BROX: variants seen among roughly 807,000 people sequenced by gnomAD.
BROX encodes BRO1 domain-containing protein BROX.
A neutral mutation model predicts 61.0 loss-of-function variants in BROX; 53 were observed. That is an observed-to-expected ratio of 0.87 (90% CI 0.70 to 1.09). The LOEUF is 1.09. Ranked by LOEUF, BROX falls within the 50% of genes least tolerant of loss-of-function variation. The probability of loss-of-function intolerance (pLI) is 0.00; values close to 1 mark genes in which losing one functional copy is unlikely to be tolerated. For missense variants in BROX, 489 were observed against 472.0 expected, an observed-to-expected ratio of 1.04 and a Z score of -0.33; for synonymous variants, 152 against 160.2, an observed-to-expected ratio of 0.95 and a Z score of 0.38.
At chr1:222,717,198 T>C (rs1054727852) in intron 2 of BROX, among the ~76,000 whole-genome samples, 1 of 152,250 alleles carries the variant, frequency 6.6e-6, no homozygotes, top group Non-Finnish European at 1.5e-5. Context: ...TTTAAAAATA[T>C]GAAAACCATT....
At chr1:222,724,607 C>T (rs1473471884) in intron 6 of BROX, among the ~76,000 whole-genome samples, 1 of 152,080 alleles carries the variant, frequency 6.6e-6, no homozygotes. Flanking sequence ...ATTAAATTGC[C>T]AGGAGATGTG....
chr1:222,722,174 C>T (rs922085366), intron 4 of BROX, among the ~76,000 whole-genome samples: 4 of 152,114 alleles, frequency 2.6e-5, no homozygotes, highest in African/African-American at 4.8e-5. Context: ...GTGCAGTAAA[C>T]TTTGGGAGCT....
chr1:222,714,085 C>T (rs1342727065), intron 1 of BROX: 2 of 152,120 alleles, frequency 1.3e-5, no homozygotes, highest in Non-Finnish European at 2.9e-5. Context: ...ATTAAATGAA[C>T]CTTATCAGAA....
At chr1:222,729,954 G>C in intron 10 of BROX, 73 bp from the exon 11 acceptor site, 1 of 1,435,996 alleles carries the variant, frequency 7.0e-7, no homozygotes, top group Non-Finnish European at 9.5e-7. Flanking sequence ...ATCACCTCCA[G>C]TTTAAAGCCT....
Position 222,719,275 on chromosome 1 carries a change from CT to C in BROX, c.224del (p.Leu75TrpfsTer37). 6.3e-7 allele frequency: 1 copy of C among 1,588,664 alleles called. No homozygotes were observed. Among genetic ancestry groups the C allele is most frequent in the South Asian group, 1.1e-5 (1 of 90,422 alleles). ...TACTTTTCTATAGGTTTCATAAATT[CT>C]TTGGATGAATCTACCCAAGAAAGCA... ...YFSLLQGFINSLDESTQESKL... is the reference protein window; with the variant it reads ...YFSLLQGFINXLDESTQESKL... On this transcript the variant is annotated frameshift_variant, in exon 4 of 13. Coordinates refer to ENST00000340934, the MANE Select transcript of BROX (RefSeq NM_144695.4). LOFTEE classifies it high-confidence loss of function.
intron 7 of BROX, among the ~76,000 whole-genome samples, chr1:222,726,665 C>T (rs1283200583): frequency 1.3e-5 from 2 of 151,720 alleles, no homozygotes; most frequent in East Asian, 1.9e-4. Context: ...TGTGGTGAGC[C>T]GAGATCGTGC....
At chr1:222,729,945 T>C (rs1657812772) in intron 10 of BROX, 82 bp from the exon 11 acceptor site, 2 of 1,336,764 alleles carry the variant, frequency 1.5e-6, no homozygotes, top group Admixed American at 2.3e-5. Flanking sequence ...AAATGTCTTA[T>C]CACCTCCAGT....
chr1:222,728,385 G>C (rs1279201027), intron 8 of BROX, among the ~76,000 whole-genome samples: 8 of 152,136 alleles, frequency 5.3e-5, no homozygotes, highest in Admixed American at 5.2e-4. Context: ...TCTGATTTGA[G>C]TGACTAGACT....
intron 2 of BROX, among the ~76,000 whole-genome samples, chr1:222,716,509 T>A (rs1478802909): frequency 3.9e-5 from 6 of 152,156 alleles, no homozygotes; most frequent in Non-Finnish European, 8.8e-5. Flanking sequence ...AAAAAGTACT[T>A]GAGATAGGCC....
At chr1:222,719,075 A>G in intron 3 of BROX, 44 bp downstream of exon 3, 1 of 1,502,668 alleles carries the variant, frequency 6.7e-7, no homozygotes, top group East Asian at 2.3e-5. Flanking sequence ...AAAACTGTCT[A>G]AAAGTTTACA....
intron 2 of BROX, among the ~76,000 whole-genome samples, chr1:222,717,293 C>T (rs1277072980): frequency 6.6e-6 from 1 of 152,214 alleles, no homozygotes; most frequent in Non-Finnish European, 1.5e-5. Context: ...CTGATCTAGA[C>T]TCCTGGAGGC....
rs983857776 is a variant in BROX at position 222,729,876 on chromosome 1, C to T, written c.839-151C>T. The T allele has an allele frequency of 1.3e-4, 128 of 956,236 alleles. 2 individuals are homozygous for T. In the South Asian group the frequency reaches 2.2e-3, roughly 17 times the overall value. The allele number at this position is 956,236 out of a possible 1,614,324, so 59.2% of individuals were successfully genotyped here. ...AGAAACCTAGAACCTGTAGAAAATA[C>T]ACACCTTCTACTTACAGTATTATTA... is the stretch of plus-strand genomic sequence containing the variant. On this transcript the variant is annotated intron_variant, in intron 10 of 12. Transcript: ENST00000340934.
chr1:222,718,385 T>C (rs929121709), intron 2 of BROX, among the ~76,000 whole-genome samples: 3 of 152,188 alleles, frequency 2.0e-5, no homozygotes, highest in African/African-American at 7.2e-5. Flanking sequence ...TTGAATTACA[T>C]GTCAAGGATA....
chr1:222,733,057 C>CTTTTTCTTTTTTT lies in BROX; in HGVS notation c.*362_*374dup, dbSNP rs1298763900. On this transcript the variant is annotated 3_prime_UTR_variant, in exon 13 of 13. Coordinates refer to ENST00000340934, the MANE Select transcript of BROX (RefSeq NM_144695.4). The stretch of plus-strand genomic sequence containing the variant: ...GGTTTCAGGTATGTTTTTCTTTTTT[C>CTTTTTCTTTTTTT]TTTTTCTTTTTTTTTTTTCTTTTTT... 9.6e-6 allele frequency: 1 copy of CTTTTTCTTTTTTT among 104,546 alleles called. No individual in the cohort carries two copies. Among genetic ancestry groups the CTTTTTCTTTTTTT allele is most frequent in the Non-Finnish European group, 2.0e-5 (1 of 49,694 alleles). The allele number at this position is 104,546 out of a possible 1,614,324, so 6.5% of individuals were successfully genotyped here. A position where few individuals can be genotyped will look rare whatever the true frequency, so the allele number is the denominator to read the frequency against.
At position 222,725,504 on chromosome 1, in the gene BROX, T is replaced by C; in HGVS notation, c.529T>C (p.Ser177Pro). The C allele has an allele frequency of 2.5e-6, 4 of 1,613,280 alleles. No individual in the cohort carries two copies. Among genetic ancestry groups the C allele is most frequent in the Non-Finnish European group, 3.4e-6 (4 of 1,179,686 alleles). The change falls in exon 7 of 13, where the codon TCA (serine) becomes CCA (proline). Residue 177 changes from serine to proline, a missense_variant. Transcript: ENST00000340934. ...TPAEKGRDLE[S>P]RLIEAYVIQC... ...TGCGGAAAAAGGAAGAGATTTAGAG[T>C]CACGACTCATAGAAGCATACGTTAT...
At chr1:222,718,620 T>C (rs1656818308) in intron 2 of BROX, among the ~76,000 whole-genome samples, 1 of 152,182 alleles carries the variant, frequency 6.6e-6, no homozygotes, top group African/African-American at 2.4e-5. Flanking sequence ...GACATATATT[T>C]TTATTATGTA....
chr1:222,723,631 G>A (rs187965119), intron 5 of BROX, among the ~76,000 whole-genome samples: 51 of 152,190 alleles, frequency 3.4e-4, no homozygotes, highest in Non-Finnish European at 4.7e-4. Context: ...TCCTATAAAC[G>A]TACATTTCAT....
chr1:222,718,901 C>G, intron 2 of BROX, 24 bp from the exon 3 acceptor site: 1 of 1,591,286 alleles, frequency 6.3e-7, no homozygotes, highest in Non-Finnish European at 8.6e-7. Context: ...GCTAACTTTA[C>G]TGTCTTTTTG....
chr1:222,713,612 C>A, intron 1 of BROX: 1 of 214,814 alleles, frequency 4.7e-6, no homozygotes, highest in Non-Finnish European at 8.0e-6. Flanking sequence ...TGAAGACCGC[C>A]GGGTCGCAGA....
Sources: allele counts gnomAD v4.1 joint callset (sites outside exome capture counted in the v4.1 genomes callset), GRCh38; gene constraint gnomAD v4.1.1; transcripts MANE v1.5; gene names NCBI Gene and HGNC (gene_info 2026-07-23, HGNC 2026-07-21).